The following ZC3H3 variants were observed in gnomAD, a reference collection of about 807,000 sequenced individuals.
ZC3H3 encodes zinc finger CCCH-type containing 3.
ZC3H3 carries 36 observed loss-of-function variants against 77.3 expected under a neutral mutation model. That is an observed-to-expected ratio of 0.47 (90% CI 0.36 to 0.61). ZC3H3 has a LOEUF of 0.61. ZC3H3 is among the 20% of genes least tolerant of loss of function. The pLI is 0.00. For missense variants in ZC3H3, 1,331 were observed against 1,312.2 expected (o/e 1.01, Z -0.22); for synonymous variants, 626 against 555.2 (o/e 1.13, Z -1.79).
At chr8:143,500,131 C>A (rs994326020) in intron 4 of ZC3H3, among the ~76,000 whole-genome samples, 5 of 146,794 alleles carry the variant, frequency 3.4e-5, no homozygotes, top group African/African-American at 1.1e-4. Context: ...CTTCTCTGAG[C>A]CCCACACAGA....
chr8:143,477,799 A>G (rs1820779155), intron 4 of ZC3H3, among the ~76,000 whole-genome samples: 1 of 152,104 alleles, frequency 6.6e-6, no homozygotes, highest in African/African-American at 2.4e-5. Flanking sequence ...GGGTCTCACC[A>G]TTGGGAGGGT....
chr8:143,456,016 G>A (rs574158171), intron 9 of ZC3H3, among the ~76,000 whole-genome samples: 98 of 148,054 alleles, frequency 6.6e-4, no homozygotes, highest in Middle Eastern at 3.6e-3. Context: ...TTAAAAAAGC[G>A]TTTGATTTGT....
At chr8:143,468,151 G>A in intron 8 of ZC3H3, 58 bp downstream of exon 8, 1 of 1,577,406 alleles carries the variant, frequency 6.3e-7, no homozygotes, top group Non-Finnish European at 8.6e-7. Flanking sequence ...CCGGAGGCCA[G>A]GTGGCTGAGG....
rs759333295 is a variant in ZC3H3 at position 143,538,173 on chromosome 8, G to T, written c.1194C>A (p.Ala398=). 2 of 1,612,804 alleles carry T rather than the reference G, an allele frequency of 1.2e-6. No homozygotes were observed. Among genetic ancestry groups the T allele is most frequent in the African/African-American group, 1.3e-5 (1 of 74,932 alleles). ...GCTGGGAGGCATGGTCCTTGCTGCT[G>T]GCCTCCGACTGCCAACGGAAGGAGG... The part of the protein sequence containing the change: ...SSSSFRWQSE[A]SSKDHASQLS... Residue 398 remains alanine, a synonymous_variant, in exon 2 of 12, where the codon GCC becomes GCA. Transcript: ENST00000262577.
rs187532713 is a variant in ZC3H3, at chr8:143,442,706, G to A, written c.2308-1586C>T. Among the ~76,000 whole-genome samples, 32 of 152,348 alleles carry A rather than the reference G, an allele frequency of 2.1e-4. No individual in the cohort carries two copies. In the East Asian group the frequency reaches 5.0e-3, roughly 24 times the overall value. On this transcript the variant is annotated intron_variant, in intron 9 of 11. Coordinates refer to ENST00000262577, the MANE Select transcript of ZC3H3 (RefSeq NM_015117.3). ...CACAGCCAGTGTGAGCTGAGGTGTG[G>A]GTGTTGGTGTAAACCATGTGCCAGG...
At chr8:143,513,716 G>C (rs1475657787) in intron 3 of ZC3H3, among the ~76,000 whole-genome samples, 1 of 152,208 alleles carries the variant, frequency 6.6e-6, no homozygotes, top group Non-Finnish European at 1.5e-5. Flanking sequence ...GTTGAAGGCA[G>C]CTCAGGCAAC....
intron 9 of ZC3H3, among the ~76,000 whole-genome samples, chr8:143,444,069 G>C (rs559087037): frequency 2.6e-5 from 4 of 151,706 alleles, no homozygotes; most frequent in Non-Finnish European, 5.9e-5. Flanking sequence ...CTGCCTCCTG[G>C]GTTCACACCA....
intron 9 of ZC3H3, among the ~76,000 whole-genome samples, chr8:143,454,299 G>A (rs578023372): frequency 2.0e-5 from 3 of 150,944 alleles, no homozygotes; most frequent in Admixed American, 6.6e-5. Context: ...CCATGTTGAC[G>A]AGGCTGGTCT....
intron 3 of ZC3H3, among the ~76,000 whole-genome samples, chr8:143,534,008 G>A (rs1302952095): frequency 1.3e-5 from 2 of 151,944 alleles, no homozygotes; most frequent in Non-Finnish European, 2.9e-5. Flanking sequence ...GTTTGGCTGG[G>A]CACAGTGGCT....
At chr8:143,513,818 G>A (rs1357882796) in intron 3 of ZC3H3, among the ~76,000 whole-genome samples, 1 of 152,222 alleles carries the variant, frequency 6.6e-6, no homozygotes, top group African/African-American at 2.4e-5. Flanking sequence ...GGCACCTCCT[G>A]GAAGGCACCT....
rs773048119 is a variant in ZC3H3 at position 143,462,085 on chromosome 8, A to C, written c.2307+3632T>G. On this transcript the variant is annotated intron_variant, in intron 9 of 11. Coordinates refer to ENST00000262577, the MANE Select transcript of ZC3H3 (RefSeq NM_015117.3). The surrounding 1 kb of genome is among the most constrained non-coding windows in gnomAD (Gnocchi z 4.7). ...TAAGTGAGGCCCCACCTCACACAAC[A>C]CGCAAATGAAGAACAGCAAACGGCA... Among the ~76,000 whole-genome samples, 56 of 152,096 alleles carry C rather than the reference A, an allele frequency of 3.7e-4. No homozygotes were observed. Among genetic ancestry groups the C allele is most frequent in the Non-Finnish European group, 6.5e-4 (44 of 67,970 alleles).
chr8:143,536,540 G>C, intron 2 of ZC3H3, 87 bp from the exon 3 acceptor site: 1 of 1,347,568 alleles, frequency 7.4e-7, no homozygotes, highest in Non-Finnish European at 9.8e-7. Flanking sequence ...AGGAGCGTGG[G>C]AGCAGCTCCT....
intron 5 of ZC3H3, among the ~76,000 whole-genome samples, chr8:143,468,860 G>A (rs1820486482): frequency 6.6e-6 from 1 of 152,192 alleles, no homozygotes; most frequent in South Asian, 2.1e-4. Context: ...TGGGGACACA[G>A]CACCTGAGAG....
chr8:143,489,961 G>A (rs1821156735), intron 4 of ZC3H3, among the ~76,000 whole-genome samples: 2 of 152,278 alleles, frequency 1.3e-5, no homozygotes, highest in Middle Eastern at 3.4e-3. Context: ...GCCGGTCCCT[G>A]GGCCTGTCCC....
chr8:143,505,885 T>A (rs1191533896), intron 4 of ZC3H3, among the ~76,000 whole-genome samples: 1 of 152,182 alleles, frequency 6.6e-6, no homozygotes, highest in Non-Finnish European at 1.5e-5. Context: ...ATGCCTGTGG[T>A]GCAGCCCCTA....
chr8:143,517,668 C>A (rs955409603), intron 3 of ZC3H3, among the ~76,000 whole-genome samples: 4 of 152,224 alleles, frequency 2.6e-5, no homozygotes, highest in Non-Finnish European at 5.9e-5. Context: ...GTGTTCAGAA[C>A]CCCAGGCCTG....
intron 3 of ZC3H3, among the ~76,000 whole-genome samples, chr8:143,534,164 G>C (rs1170897887): frequency 6.6e-6 from 1 of 151,712 alleles, no homozygotes; most frequent in Non-Finnish European, 1.5e-5. Flanking sequence ...TGCACCTGTA[G>C]TCCCAGCTAT....
chr8:143,521,798 T>C (rs1225725394), intron 3 of ZC3H3, among the ~76,000 whole-genome samples: 1 of 152,172 alleles, frequency 6.6e-6, no homozygotes, highest in African/African-American at 2.4e-5. Flanking sequence ...TGAGCACACA[T>C]GCATCTTTCA....
Position 143,482,347 on chromosome 8 carries a change from A to G in ZC3H3, c.1716-6762T>C, listed in dbSNP as rs983052687. On this transcript the variant is annotated intron_variant, in intron 4 of 11. Transcript: ENST00000262577. ...ATGAGCACAGGGGCCGTATCTGCAA[A>G]GACCACTGCTGCACCCCTGGCCCTG... Among the ~76,000 whole-genome samples, 3 of 152,254 alleles carry G rather than the reference A, an allele frequency of 2.0e-5. No homozygotes were observed. The East Asian group carries it at 5.8e-4, about 29-fold the overall frequency.
Sources: gnomAD v4.1 joint callset for allele counts (sites outside exome capture counted in the v4.1 genomes callset) on GRCh38, gnomAD v4.1.1 for gene constraint, Gnocchi (gnomAD v3.1) non-coding constraint, MANE v1.5 for transcripts, NCBI Gene and HGNC (gene_info 2026-07-23, HGNC 2026-07-21) for gene names.